The following MBD2 variants were observed in gnomAD, a reference collection of about 807,000 sequenced individuals.
The protein encoded by MBD2 is methyl-CpG binding domain protein 2, also known as methyl-CpG-binding domain protein 2.
A neutral mutation model predicts 39.3 loss-of-function variants in MBD2; 9 were observed. The ratio of observed to expected loss-of-function variants is 0.23; its 90% CI spans 0.14 to 0.40. MBD2 has a LOEUF of 0.40. Among genes scored for constraint, MBD2 ranks in the 10% least tolerant of loss-of-function variants. The probability of loss-of-function intolerance (pLI) is 1.00; values close to 1 mark genes in which losing one functional copy is unlikely to be tolerated. For missense variants in MBD2, 458 were observed against 532.6 expected, an observed-to-expected ratio of 0.86 and a Z score of 1.38; for synonymous variants, 233 against 211.1, an observed-to-expected ratio of 1.10 and a Z score of -0.90.
chr18:54,174,764 A>G (rs1488314528), intron 3 of MBD2, among the ~76,000 whole-genome samples: 1 of 152,264 alleles, frequency 6.6e-6, no homozygotes, highest in Non-Finnish European at 1.5e-5. Context: ...TAAATGAAAC[A>G]TGAAATTTTA....
chr18:54,193,232 C>A (rs543487711), intron 2 of MBD2, among the ~76,000 whole-genome samples: 237 of 152,328 alleles, frequency 1.6e-3, no homozygotes, highest in Non-Finnish European at 2.6e-3. Flanking sequence ...AATCTACCAT[C>A]ACCGTCGGAG....
At position 54,203,164 on chromosome 18, in the gene MBD2, A is replaced by G. The variant is rs563089967; in HGVS notation, c.702+1834T>C. The G allele has an allele frequency of 4.8e-4, 761 of 1,598,054 alleles. 9 individuals are homozygous for G. In the South Asian group the frequency reaches 7.0e-3, roughly 15 times the overall value. The stretch of plus-strand genomic sequence containing the variant: ...ATTAGTGTTTGGTTTTTGATGAAAC[A>G]TAAGTGTCAGAAAATAAATCTGCAC... On this transcript the variant is annotated intron_variant, in intron 2 of 6. Transcript: ENST00000256429.
At chr18:54,155,651 A>G (rs1276084048) in intron 6 of MBD2, among the ~76,000 whole-genome samples, 1 of 152,266 alleles carries the variant, frequency 6.6e-6, no homozygotes, top group East Asian at 1.9e-4. Context: ...AAAGCAGAAC[A>G]GATACAGACC....
intron 3 of MBD2, among the ~76,000 whole-genome samples, chr18:54,182,984 A>C (rs2086261001): frequency 6.6e-6 from 1 of 152,138 alleles, no homozygotes; most frequent in Non-Finnish European, 1.5e-5. Flanking sequence ...AATAATAGTT[A>C]CTTAGTCTCA....
chr18:54,189,368 C>T (rs538249053), intron 2 of MBD2, among the ~76,000 whole-genome samples: 6 of 151,774 alleles, frequency 4.0e-5, no homozygotes, highest in South Asian at 2.1e-4. Flanking sequence ...GGACTACAGG[C>T]GCCCGCCACC....
intron 2 of MBD2, among the ~76,000 whole-genome samples, 177 bp downstream of exon 2, chr18:54,204,821 G>A (rs2086436852): frequency 1.3e-5 from 2 of 152,174 alleles, no homozygotes; most frequent in Non-Finnish European, 2.9e-5. Context: ...CTGAAATGCT[G>A]TTTTCTACTG....
chr18:54,161,153 A>G (rs1160861796), intron 5 of MBD2, among the ~76,000 whole-genome samples: 1 of 152,174 alleles, frequency 6.6e-6, no homozygotes, highest in Non-Finnish European at 1.5e-5. Context: ...TCTACTCAAG[A>G]TCACACCCCT....
chr18:54,192,433 A>G (rs2086327225), intron 2 of MBD2, among the ~76,000 whole-genome samples: 1 of 152,192 alleles, frequency 6.6e-6, no homozygotes, highest in East Asian at 1.9e-4. Flanking sequence ...GGGTTTCACC[A>G]TGTTGGCCAG....
At chr18:54,214,697 A>T (rs2086541088) in intron 1 of MBD2, among the ~76,000 whole-genome samples, 1 of 151,928 alleles carries the variant, frequency 6.6e-6, no homozygotes, top group Admixed American at 6.6e-5. Context: ...TGGCAAGCAC[A>T]TTTAATCTCA....
At chr18:54,220,575 C>A (rs1448665387) in intron 1 of MBD2, among the ~76,000 whole-genome samples, 1 of 152,170 alleles carries the variant, frequency 6.6e-6, no homozygotes, top group South Asian at 2.1e-4. Flanking sequence ...CAGGGGCAGG[C>A]TAATTCAAGG....
intron 3 of MBD2, among the ~76,000 whole-genome samples, chr18:54,169,324 C>T (rs543936905): frequency 6.6e-6 from 1 of 151,558 alleles, no homozygotes; most frequent in African/African-American, 2.4e-5. Flanking sequence ...CCAACTTGCA[C>T]TAAACGTACT....
rs758384480 is a variant in MBD2, at chr18:54,166,061, G to A, written c.931+15C>T. The A allele has an allele frequency of 6.4e-7, 1 of 1,565,414 alleles. No individual in the cohort carries two copies. The highest frequency in any genetic ancestry group is 8.8e-7 in the Non-Finnish European group (1 of 1,136,716). ...GTACTTGATAAATGTCTGCTCAACT[G>A]AACTTAGATAATACCTTGAAGACCT... On this transcript the variant is annotated intron_variant, in intron 4 of 6. Transcript: ENST00000256429.
At chr18:54,212,618 G>C (rs2086517628) in intron 1 of MBD2, among the ~76,000 whole-genome samples, 1 of 152,018 alleles carries the variant, frequency 6.6e-6, no homozygotes. Context: ...TTGTATGTAT[G>C]AATGAAAATT....
chr18:54,201,454 T>C (rs1232477450), intron 2 of MBD2, among the ~76,000 whole-genome samples: 1 of 152,168 alleles, frequency 6.6e-6, no homozygotes, highest in Non-Finnish European at 1.5e-5. Flanking sequence ...AGATTGAGTT[T>C]GAGATATCTG....
intron 1 of MBD2, among the ~76,000 whole-genome samples, chr18:54,207,461 T>G (rs907798280): frequency 6.6e-6 from 1 of 152,194 alleles, no homozygotes. Context: ...ACAATGCCAC[T>G]CTTAAACTTC....
chr18:54,198,317 A>C (rs2144322129), intron 2 of MBD2, among the ~76,000 whole-genome samples: 1 of 152,066 alleles, frequency 6.6e-6, no homozygotes, highest in East Asian at 1.9e-4. Flanking sequence ...CTCTTCACCT[A>C]CTCCCTCACA....
At chr18:54,198,234 A>G (rs2086380643) in intron 2 of MBD2, among the ~76,000 whole-genome samples, 1 of 152,206 alleles carries the variant, frequency 6.6e-6, no homozygotes, top group South Asian at 2.1e-4. Context: ...TCAACCCAGT[A>G]AGGCATTACT....
At position 54,214,004 on chromosome 18, in the gene MBD2, T is replaced by C. The variant is rs1352760073; in HGVS notation, c.543-8847A>G. ...GCAGTGGTTCTCTTTTCTTTCTTTC[T>C]TTTTTTTTTTTTTTTTTAACAACAA... On this transcript the variant is annotated intron_variant, in intron 1 of 6. Transcript: ENST00000256429. Among the ~76,000 whole-genome samples the C allele has an allele frequency of 6.3e-5, 8 of 127,330 alleles. No individual in the cohort carries two copies. In the East Asian group the frequency reaches 1.5e-3, roughly 24 times the overall value. The allele number at this position is 127,330 out of a possible 152,430, so 83.5% of individuals were successfully genotyped here.
chr18:54,171,457 C>A (rs1446508485), intron 3 of MBD2, among the ~76,000 whole-genome samples: 1 of 151,894 alleles, frequency 6.6e-6, no homozygotes, highest in Non-Finnish European at 1.5e-5. Flanking sequence ...AAGTATTATT[C>A]TTCACTATGC....
Sources: gnomAD v4.1 joint callset for allele counts (sites outside exome capture counted in the v4.1 genomes callset) on GRCh38, gnomAD v4.1.1 for gene constraint, MANE v1.5 for transcripts, NCBI Gene and HGNC (gene_info 2026-07-23, HGNC 2026-07-21) for gene names.